The following CDH18 variants were observed in gnomAD, a reference collection of about 807,000 sequenced individuals.
CDH18 encodes the protein cadherin 18.
In CDH18, 31 loss-of-function variants were observed where a neutral mutation model predicts 67.9. The observed-to-expected ratio is 0.46, with a 90% CI of 0.34 to 0.62. The LOEUF is 0.62. CDH18 is among the 20% of genes least tolerant of loss of function. The probability of loss-of-function intolerance (pLI) is 0.01; values close to 1 mark genes in which losing one functional copy is unlikely to be tolerated. For synonymous variants in CDH18, 362 were observed against 347.2 expected (o/e 1.04, Z -0.48); for missense variants, 890 against 975.5 (o/e 0.91, Z 1.17).
intron 1 of CDH18, among the ~76,000 whole-genome samples, chr5:20,326,632 G>A (rs537771808): frequency 5.3e-5 from 8 of 150,106 alleles, no homozygotes; most frequent in South Asian, 2.1e-4. Context: ...TCCGCCTCCC[G>A]GGTTCACGCC....
At chr5:20,388,084 A>C (rs2150110452) in intron 1 of CDH18, among the ~76,000 whole-genome samples, 1 of 152,238 alleles carries the variant, frequency 6.6e-6, no homozygotes, top group Admixed American at 6.5e-5. Context: ...GGCCTCATAA[A>C]ATGAGTTAGG....
chr5:20,542,271 AAAGAG>A (rs1240073490), intron 1 of CDH18, among the ~76,000 whole-genome samples: 1 of 144,892 alleles, frequency 6.9e-6, no homozygotes, highest in Admixed American at 7.3e-5. Flanking sequence ...TCATCAGCAG[AAAGAG>A]GAGAAGGGAT....
chr5:20,010,282 T>C lies in CDH18; in HGVS notation c.-517-18268A>G, dbSNP rs184579755. On this transcript the variant is annotated intron_variant, in intron 2 of 14. Coordinates refer to the CDH18 transcript ENST00000507958. The stretch of plus-strand genomic sequence containing the variant: ...TTTTGAGACAGAGTCTCCCCTAAGC[T>C]GGAGTGCAGTGGCACGATCTTGGTT... Among the ~76,000 whole-genome samples, 38 of 152,160 alleles carry C rather than the reference T, an allele frequency of 2.5e-4. No individual in the cohort carries two copies. In the East Asian group the frequency reaches 7.2e-3, roughly 29 times the overall value.
intron 2 of CDH18, among the ~76,000 whole-genome samples, chr5:19,930,041 A>T (rs923652128): frequency 2.6e-5 from 4 of 152,102 alleles, no homozygotes; most frequent in Non-Finnish European, 4.4e-5. Context: ...ACCCATTGAT[A>T]AAAGGTTTAG....
intron 2 of CDH18, among the ~76,000 whole-genome samples, chr5:19,847,067 A>G (rs1581623848): frequency 2.0e-5 from 3 of 151,914 alleles, no homozygotes. Context: ...AAATTCTCTT[A>G]TCTTTGACTT....
chr5:19,599,661 G>T (rs1408257282), intron 6 of CDH18, among the ~76,000 whole-genome samples: 1 of 152,132 alleles, frequency 6.6e-6, no homozygotes, highest in Non-Finnish European at 1.5e-5. Context: ...CCAGCACTTT[G>T]GGAGGCCGAG....
At position 19,600,860 on chromosome 5, in the gene CDH18, C is replaced by A. The variant is rs530576069; in HGVS notation, c.812-9616G>T. Among the ~76,000 whole-genome samples the A allele has an allele frequency of 2.6e-5, 4 of 152,162 alleles. No individual in the cohort carries two copies. The East Asian group carries it at 7.7e-4, about 29-fold the overall frequency. ...AATGCCTAAAAAAACAAAGATGGGA[C>A]TTACATTAGAAAAATGGCAGATTAC... is the stretch of plus-strand genomic sequence containing the variant. On this transcript the variant is annotated intron_variant, in intron 6 of 12. Transcript: ENST00000382275.
intron 1 of CDH18, among the ~76,000 whole-genome samples, chr5:20,527,492 T>C (rs1395030446): frequency 6.6e-6 from 1 of 151,914 alleles, no homozygotes; most frequent in African/African-American, 2.4e-5. Context: ...GGAAAAAATA[T>C]TAAAGACAGG....
Position 19,569,687 on chromosome 5 carries a change from C to A in CDH18, c.1253+1892G>T, listed in dbSNP as rs77644927. ...TGCTATAGTCACCCTACTGATCTAT[C>A]AAACACTAGGTTCTATTTCTTCCAC... On this transcript the variant is annotated intron_variant, in intron 8 of 12. Coordinates refer to ENST00000382275, the MANE Select transcript of CDH18 (RefSeq NM_004934.5). Among the ~76,000 whole-genome samples, 20 of 152,238 alleles carry A rather than the reference C, an allele frequency of 1.3e-4. 1 individual carries two copies. In the East Asian group the frequency reaches 3.9e-3, roughly 29 times the overall value.
chr5:19,557,311 T>G (rs557847747), intron 8 of CDH18, among the ~76,000 whole-genome samples: 1 of 152,204 alleles, frequency 6.6e-6, no homozygotes, highest in East Asian at 1.9e-4. Context: ...TGAATGTAAA[T>G]GGCCGAAATG....
At chr5:20,127,000 T>G (rs1048020348) in intron 2 of CDH18, among the ~76,000 whole-genome samples, 8 of 152,132 alleles carry the variant, frequency 5.3e-5, no homozygotes, top group Admixed American at 3.9e-4. Flanking sequence ...TATTTGTAAT[T>G]CCATGTTCAT....
At chr5:19,499,699 TAGTC>T (rs992840961) in intron 11 of CDH18, among the ~76,000 whole-genome samples, 12 of 152,172 alleles carry the variant, frequency 7.9e-5, no homozygotes, top group Admixed American at 2.0e-4. Flanking sequence ...CATTTTTCAT[TAGTC>T]AGAGCAAATT....
At chr5:20,436,968 AAAG>A (rs1372867248) in intron 1 of CDH18, among the ~76,000 whole-genome samples, 1 of 151,718 alleles carries the variant, frequency 6.6e-6, no homozygotes, top group African/African-American at 2.4e-5. Flanking sequence ...ATTTAAATAA[AAAG>A]AAGCCTAAAT....
At chr5:19,541,758 G>T (rs1376577116) in intron 9 of CDH18, among the ~76,000 whole-genome samples, 1 of 152,070 alleles carries the variant, frequency 6.6e-6, no homozygotes, top group Non-Finnish European at 1.5e-5. Flanking sequence ...ACCTCCCATT[G>T]GGTCCCTCCG....
At chr5:19,537,011 T>C (rs1749520759) in intron 9 of CDH18, among the ~76,000 whole-genome samples, 2 of 152,186 alleles carry the variant, frequency 1.3e-5, no homozygotes, top group Admixed American at 6.6e-5. Context: ...ACTGTGATGG[T>C]TAATTTTATG....
chr5:19,590,320 G>T (rs1290025634), intron 7 of CDH18, among the ~76,000 whole-genome samples: 1 of 152,022 alleles, frequency 6.6e-6, no homozygotes, highest in East Asian at 1.9e-4. Context: ...TTCTCTAAGT[G>T]TTTAAAACCA....
chr5:20,194,667 TTTA>T (rs1347917215), intron 2 of CDH18, among the ~76,000 whole-genome samples: 4 of 103,856 alleles, frequency 3.9e-5, no homozygotes, highest in African/African-American at 1.4e-4. Flanking sequence ...AATTTTTTTT[TTTA>T]AAAAGAATGG....
chr5:19,581,022 G>C (rs1743163649), intron 7 of CDH18, among the ~76,000 whole-genome samples: 1 of 151,830 alleles, frequency 6.6e-6, no homozygotes, highest in South Asian at 2.1e-4. Context: ...GAGTACTTTT[G>C]TAATTTCTTT....
chr5:20,041,235 T>G (rs1330761987), intron 2 of CDH18, among the ~76,000 whole-genome samples: 2 of 152,184 alleles, frequency 1.3e-5, no homozygotes, highest in African/African-American at 4.8e-5. Flanking sequence ...TATGCTATAT[T>G]CTATCATTGA....
Sources: allele counts gnomAD v4.1 joint callset (sites outside exome capture counted in the v4.1 genomes callset), GRCh38; gene constraint gnomAD v4.1.1; transcripts MANE v1.5; gene names NCBI Gene and HGNC (gene_info 2026-07-23, HGNC 2026-07-21).